ECT2L: variants seen among roughly 807,000 people sequenced by gnomAD.
ECT2L encodes epithelial cell transforming 2 like.
In ECT2L, 126 loss-of-function variants were observed where a neutral mutation model predicts 122.8. That is an observed-to-expected ratio of 1.03 (90% CI 0.89 to 1.19). The LOEUF (loss-of-function observed/expected upper bound fraction) is 1.19, where lower values mean the gene tolerates loss of function less well. Ranked by LOEUF, ECT2L falls within the 50% of genes most tolerant of loss-of-function variation. ECT2L has a pLI of 0.00. For synonymous variants in ECT2L, 385 were observed against 381.8 expected, an observed-to-expected ratio of 1.01 and a Z score of -0.10; for missense variants, 1,012 against 1,064.1, an observed-to-expected ratio of 0.95 and a Z score of 0.68.
chr6:138,901,143 G>A lies in ECT2L; in HGVS notation c.2587+23G>A, dbSNP rs1411858298. 5 of 1,609,066 alleles carry A rather than the reference G, an allele frequency of 3.1e-6. No individual in the cohort carries two copies. The Admixed American group carries it at 5.0e-5, about 16-fold the overall frequency. ...AGTGTATGTATTCTTTTCCTTCCAA[G>A]AGACAGATACCTTCAAAAAGCTATA... On this transcript the variant is annotated intron_variant, in intron 21 of 21. Coordinates refer to ENST00000541398, the MANE Select transcript of ECT2L (RefSeq NM_001077706.3).
intron 4 of ECT2L, among the ~76,000 whole-genome samples, chr6:138,816,567 C>T (rs375084446): frequency 4.6e-5 from 7 of 152,222 alleles, no homozygotes; most frequent in Middle Eastern, 3.4e-3. Context: ...TCACTGCAAG[C>T]TCTGCCCCCG....
chr6:138,895,770 A>G (rs1229262668), intron 20 of ECT2L, among the ~76,000 whole-genome samples: 2 of 151,914 alleles, frequency 1.3e-5, no homozygotes, highest in Non-Finnish European at 2.9e-5. Context: ...GATGGGTTTC[A>G]CCATGTTGGC....
intron 13 of ECT2L, among the ~76,000 whole-genome samples, chr6:138,873,766 C>G (rs1039837721): frequency 7.2e-5 from 11 of 152,044 alleles, no homozygotes; most frequent in African/African-American, 2.7e-4. Context: ...TGCACTCCAG[C>G]CTGGGCGACA....
At chr6:138,847,354 ACT>A (rs1777260173) in intron 8 of ECT2L, among the ~76,000 whole-genome samples, 15 of 111,064 alleles carry the variant, frequency 1.4e-4, no homozygotes, top group African/African-American at 4.8e-4. Context: ...AAAGGCCCAA[ACT>A]TTTTTTTTTT....
intron 16 of ECT2L, among the ~76,000 whole-genome samples, chr6:138,885,075 C>A (rs927481661): frequency 7.9e-6 from 1 of 127,336 alleles, no homozygotes; most frequent in Non-Finnish European, 1.6e-5. Context: ...GTTGCCCAGG[C>A]TGGAGTGCAG....
intron 4 of ECT2L, among the ~76,000 whole-genome samples, chr6:138,836,351 C>T (rs538885979): frequency 2.7e-5 from 4 of 147,952 alleles, no homozygotes; most frequent in East Asian, 2.0e-4. Context: ...TACAGTGGCG[C>T]GATCTCGGCT....
chr6:138,888,918 T>C (rs990837832), intron 19 of ECT2L, 25 bp from the exon 20 acceptor site: 5 of 1,303,018 alleles, frequency 3.8e-6, no homozygotes, highest in Non-Finnish European at 5.1e-6. Flanking sequence ...TATATGTACT[T>C]CTAATTTTGT....
chr6:138,838,195 C>T (rs1376018247), intron 4 of ECT2L, among the ~76,000 whole-genome samples, 157 bp from the exon 5 acceptor site: 1 of 152,162 alleles, frequency 6.6e-6, no homozygotes, highest in African/African-American at 2.4e-5. Context: ...AGCCACGGCA[C>T]CTGGCCTGAA....
At chr6:138,868,528 T>G (rs1467285691) in intron 13 of ECT2L, among the ~76,000 whole-genome samples, 1 of 151,898 alleles carries the variant, frequency 6.6e-6, no homozygotes, top group Non-Finnish European at 1.5e-5. Context: ...ATATTTCACA[T>G]AAACTTTACT....
chr6:138,896,224 C>A (rs566165881), intron 20 of ECT2L, among the ~76,000 whole-genome samples: 2 of 151,966 alleles, frequency 1.3e-5, no homozygotes, highest in African/African-American at 4.8e-5. Flanking sequence ...AGCCACTGCA[C>A]GTGGCCAAAG....
chr6:138,828,009 C>T (rs907664748), intron 4 of ECT2L, among the ~76,000 whole-genome samples: 5 of 151,872 alleles, frequency 3.3e-5, no homozygotes, highest in East Asian at 1.9e-4. Flanking sequence ...TGTATACATG[C>T]GCCATGTTGG....
At chr6:138,798,780 G>A (rs1272171119) in intron 1 of ECT2L, among the ~76,000 whole-genome samples, 1 of 152,176 alleles carries the variant, frequency 6.6e-6, no homozygotes, top group African/African-American at 2.4e-5. Flanking sequence ...TTGAATGCTT[G>A]TGGGTGAATT....
intron 9 of ECT2L, among the ~76,000 whole-genome samples, chr6:138,852,502 TAA>T (rs1212960937): frequency 6.6e-6 from 1 of 152,106 alleles, no homozygotes; most frequent in Admixed American, 6.5e-5. Flanking sequence ...AGAGAAGGAA[TAA>T]GATGATCCCA....
chr6:138,850,474 T>G (rs1777398955), intron 9 of ECT2L, among the ~76,000 whole-genome samples: 1 of 152,158 alleles, frequency 6.6e-6, no homozygotes, highest in Non-Finnish European at 1.5e-5. Context: ...TGGTATAATG[T>G]CCTGAAAGGT....
At chr6:138,888,351 C>G (rs1647677554) in intron 19 of ECT2L, among the ~76,000 whole-genome samples, 1 of 140,360 alleles carries the variant, frequency 7.1e-6, no homozygotes, top group Non-Finnish European at 1.5e-5. Context: ...GAGTCTCACT[C>G]TGTTGCCCAG....
intron 1 of ECT2L, among the ~76,000 whole-genome samples, chr6:138,812,539 C>G (rs902045861): frequency 2.0e-5 from 3 of 152,210 alleles, no homozygotes; most frequent in Non-Finnish European, 2.9e-5. Flanking sequence ...TGCAGTGGCT[C>G]ATGCCTGTAA....
At chr6:138,824,583 A>AAAAAAC (rs1776378160) in intron 4 of ECT2L, among the ~76,000 whole-genome samples, 1 of 150,976 alleles carries the variant, frequency 6.6e-6, no homozygotes, top group Non-Finnish European at 1.5e-5. Flanking sequence ...AACAAAAACA[A>AAAAAAC]AAAAAACACA....
chr6:138,832,180 GTC>G (rs1293351387), intron 4 of ECT2L, among the ~76,000 whole-genome samples: 1 of 128,026 alleles, frequency 7.8e-6, no homozygotes, highest in African/African-American at 2.9e-5. Context: ...TACTTCAAAT[GTC>G]TGTTTTTTTT....
In ECT2L at chr6:138,802,309, G is replaced by A. The variant is rs557298012; in HGVS notation, c.-244+6117G>A. Among the ~76,000 whole-genome samples, 4 of 152,308 alleles carry A rather than the reference G, an allele frequency of 2.6e-5. No individual in the cohort carries two copies. The South Asian group carries it at 8.3e-4, about 32-fold the overall frequency. ...TGAATGGTGAGAGACCCTAAGCTGG[G>A]GGACCCAGCTAAGCTATGTCTACAC... On this transcript the variant is annotated intron_variant, in intron 1 of 21. Coordinates refer to ENST00000541398, the MANE Select transcript of ECT2L (RefSeq NM_001077706.3).
Sources: allele counts gnomAD v4.1 joint callset (sites outside exome capture counted in the v4.1 genomes callset), GRCh38; gene constraint gnomAD v4.1.1; transcripts MANE v1.5; gene names NCBI Gene and HGNC (gene_info 2026-07-23, HGNC 2026-07-21).